SCN11A: variants seen among roughly 807,000 people sequenced by gnomAD.
SCN11A encodes sodium channel protein type 11 subunit alpha.
In SCN11A, 122 loss-of-function variants were observed where a neutral mutation model predicts 162.2. The observed-to-expected ratio is 0.75, with a 90% CI of 0.65 to 0.87. The LOEUF (loss-of-function observed/expected upper bound fraction) is 0.87. SCN11A is among the 40% of genes least tolerant of loss of function. The probability of loss-of-function intolerance (pLI) is 0.00; values close to 1 mark genes in which losing one functional copy is unlikely to be tolerated. For missense variants in SCN11A, 2,015 were observed against 2,181.6 expected (o/e 0.92, Z 1.52); for synonymous variants, 758 against 751.5 (o/e 1.01, Z -0.14).
intron 7 of SCN11A, among the ~76,000 whole-genome samples, chr3:38,936,842 G>A (rs2066340444): frequency 1.3e-5 from 2 of 152,130 alleles, no homozygotes; most frequent in South Asian, 4.1e-4. Flanking sequence ...AGCTACCAAT[G>A]ACTTTCTTCA....
intron 3 of SCN11A, among the ~76,000 whole-genome samples, chr3:38,960,025 G>A (rs958875678): frequency 1.3e-5 from 2 of 152,042 alleles, no homozygotes; most frequent in East Asian, 1.9e-4. Context: ...GGTTGCAAGC[G>A]CCTATTAGGC....
At chr3:39,027,583 G>A (rs1399558354) in intron 2 of SCN11A, among the ~76,000 whole-genome samples, 1 of 152,124 alleles carries the variant, frequency 6.6e-6, no homozygotes, top group African/African-American at 2.4e-5. Flanking sequence ...ATAAACACTC[G>A]GCTTCTGAAA....
At chr3:38,914,605 A>G (rs2065933335) in intron 11 of SCN11A, among the ~76,000 whole-genome samples, 1 of 152,114 alleles carries the variant, frequency 6.6e-6, no homozygotes, top group Non-Finnish European at 1.5e-5. Context: ...CCCATTCAGT[A>G]TGATGTTGGC....
intron 2 of SCN11A, among the ~76,000 whole-genome samples, chr3:39,021,540 C>G (rs1040921303): frequency 6.6e-6 from 1 of 152,112 alleles, no homozygotes; most frequent in Non-Finnish European, 1.5e-5. Flanking sequence ...ATGGTTTGCT[C>G]TGAGGCCAGC....
At chr3:38,872,883 G>T (rs760890334) in intron 23 of SCN11A, among the ~76,000 whole-genome samples, 23 of 152,002 alleles carry the variant, frequency 1.5e-4, no homozygotes, top group Non-Finnish European at 2.5e-4. Context: ...AGAATATGTG[G>T]ATTTCATTAT....
At chr3:38,978,433 A>G (rs1484507782) in intron 2 of SCN11A, among the ~76,000 whole-genome samples, 1 of 152,120 alleles carries the variant, frequency 6.6e-6, no homozygotes, top group Non-Finnish European at 1.5e-5. Flanking sequence ...ATAATTTGAG[A>G]TGAGGAGTTC....
At chr3:39,028,994 G>T (rs537159177) in intron 2 of SCN11A, among the ~76,000 whole-genome samples, 1 of 152,286 alleles carries the variant, frequency 6.6e-6, no homozygotes, top group East Asian at 1.9e-4. Flanking sequence ...CTGCCTATGC[G>T]TGGCAGTATC....
intron 2 of SCN11A, among the ~76,000 whole-genome samples, chr3:38,965,941 C>G (rs569936388): frequency 3.3e-5 from 5 of 151,900 alleles, no homozygotes; most frequent in Non-Finnish European, 7.4e-5. Flanking sequence ...GATTGTGCCA[C>G]TTTACACCAC....
At chr3:38,886,075 G>C in intron 20 of SCN11A, 50 bp downstream of exon 20, 2 of 1,140,580 alleles carry the variant, frequency 1.8e-6, no homozygotes. Context: ...TCCTGGAGAA[G>C]GTGTGTGGAT....
intron 9 of SCN11A, among the ~76,000 whole-genome samples, chr3:38,921,973 G>T (rs2066060485): frequency 6.6e-6 from 1 of 152,160 alleles, no homozygotes; most frequent in African/African-American, 2.4e-5. Context: ...AGGTTTCCTT[G>T]TTTTCTGAAT....
At position 38,946,318 on chromosome 3, in the gene SCN11A, T is replaced by C. The variant is rs1036123853; in HGVS notation, c.386+471A>G. On this transcript the variant is annotated intron_variant, in intron 6 of 29. Coordinates refer to ENST00000302328, the MANE Select transcript of SCN11A (RefSeq NM_001349253.2). ...AGAAATGGGAACCTACCCTTGCCAGTTTCCATCTTTCAAGAAAAGCTGGAA... is the reference window on the plus strand; with the variant it reads ...AGAAATGGGAACCTACCCTTGCCAGCTTCCATCTTTCAAGAAAAGCTGGAA... Among the ~76,000 whole-genome samples the C allele has an allele frequency of 2.0e-5, 3 of 152,186 alleles. No homozygotes were observed. In the East Asian group the frequency reaches 5.8e-4, roughly 29 times the overall value.
At chr3:39,004,470 C>T (rs1455853424) in intron 2 of SCN11A, among the ~76,000 whole-genome samples, 11 of 152,102 alleles carry the variant, frequency 7.2e-5, no homozygotes, top group Non-Finnish European at 1.5e-5. Flanking sequence ...CTCCAGCTTT[C>T]TTCCTTTTAC....
chr3:39,012,440 C>CTCTCTCTTTCTCTCTTTCTTTCTT (rs2031169371), intron 2 of SCN11A, among the ~76,000 whole-genome samples: 1 of 150,058 alleles, frequency 6.7e-6, no homozygotes, highest in Non-Finnish European at 1.5e-5. Flanking sequence ...CTTTCTTTCT[C>CTCTCTCTTTCTCTCTTTCTTTCTT]TCTCTCTTTC....
At chr3:39,012,167 A>T (rs1020701105) in intron 2 of SCN11A, among the ~76,000 whole-genome samples, 5 of 151,924 alleles carry the variant, frequency 3.3e-5, no homozygotes, top group Admixed American at 1.3e-4. Context: ...CTCTACTAAA[A>T]ATACAAAATT....
intron 2 of SCN11A, among the ~76,000 whole-genome samples, chr3:38,967,812 T>C (rs1175849900): frequency 6.6e-6 from 1 of 152,176 alleles, no homozygotes; most frequent in African/African-American, 2.4e-5. Context: ...TACTCACACA[T>C]GTCAGTATTC....
intron 7 of SCN11A, among the ~76,000 whole-genome samples, chr3:38,941,177 G>A (rs776277609): frequency 8.5e-5 from 13 of 152,144 alleles, no homozygotes; most frequent in Non-Finnish European, 1.6e-4. Context: ...CAGAGCAGCT[G>A]GAAATTTAGG....
intron 7 of SCN11A, among the ~76,000 whole-genome samples, chr3:38,934,944 C>A (rs1453065279): frequency 1.3e-5 from 2 of 151,208 alleles, no homozygotes. Flanking sequence ...AGCACCACAC[C>A]ACACCTATTC....
chr3:39,043,726 CA>C (rs1240887718), intron 1 of SCN11A, among the ~76,000 whole-genome samples: 2 of 151,110 alleles, frequency 1.3e-5, no homozygotes, highest in Non-Finnish European at 2.9e-5. Flanking sequence ...CTGATGAGTA[CA>C]AAAAAAATTA....
chr3:38,900,142 G>C, intron 16 of SCN11A, 69 bp from the exon 17 acceptor site: 1 of 1,201,080 alleles, frequency 8.3e-7, no homozygotes, highest in Non-Finnish European at 1.2e-6. Context: ...TGGCCCAAGG[G>C]AAGTACAGAG....
Sources: allele counts gnomAD v4.1 joint callset (sites outside exome capture counted in the v4.1 genomes callset), GRCh38; gene constraint gnomAD v4.1.1; transcripts MANE v1.5; gene names NCBI Gene and HGNC (gene_info 2026-07-23, HGNC 2026-07-21).